The following CFAP90 variants were observed in gnomAD, a reference collection of about 807,000 sequenced individuals.
CFAP90 encodes cilia- and flagella-associated protein 90.
At chr5:7,836,968 C>T in the CFAP90 span, among the ~76,000 whole-genome samples, 4 of 152,252 alleles carry the variant, frequency 2.6e-5, no homozygotes, top group South Asian at 8.3e-4. Flanking sequence ...GTATTGGTTC[C>T]TGAACTCTAA....
chr5:7,831,966 T>C, the CFAP90 span: 1 of 1,614,124 alleles, frequency 6.2e-7, no homozygotes, highest in Non-Finnish European at 8.5e-7. Flanking sequence ...AGGGGCTCAA[T>C]GGGCTGATTG....
At chr5:7,833,504 C>T in the CFAP90 span, among the ~76,000 whole-genome samples, 1 of 151,764 alleles carries the variant, frequency 6.6e-6, no homozygotes, top group Non-Finnish European at 1.5e-5. Context: ...GATACATACA[C>T]ACATGCATAT....
chr5:7,840,357 C>G, the CFAP90 span, among the ~76,000 whole-genome samples: 1 of 152,150 alleles, frequency 6.6e-6, no homozygotes, highest in African/African-American at 2.4e-5. Flanking sequence ...AGTTTTCAAC[C>G]TCCACAGCAC....
chr5:7,833,339 T>G, the CFAP90 span, among the ~76,000 whole-genome samples: 2 of 151,312 alleles, frequency 1.3e-5, no homozygotes, highest in South Asian at 2.1e-4. Flanking sequence ...TATACACACA[T>G]GTGCATGATA....
the CFAP90 span, among the ~76,000 whole-genome samples, chr5:7,842,673 C>A: frequency 6.6e-6 from 1 of 152,092 alleles, no homozygotes; most frequent in African/African-American, 2.4e-5. Context: ...CACCAAGAGC[C>A]TCCCTGGAGA....
At chr5:7,840,420 G>A in the CFAP90 span, among the ~76,000 whole-genome samples, 1 of 152,066 alleles carries the variant, frequency 6.6e-6, no homozygotes, top group South Asian at 2.1e-4. Context: ...ACAGAAATGG[G>A]GAGTCCCTAC....
the CFAP90 span, chr5:7,850,800 CCGCCCA>C: frequency 3.4e-6 from 1 of 295,228 alleles, no homozygotes. Flanking sequence ...AGCCGCCCAG[CCGCCCA>C]GCCGCCCAGC....
the CFAP90 span, chr5:7,850,771 C>A: frequency 8.6e-7 from 1 of 1,166,468 alleles, no homozygotes. Flanking sequence ...CGCCCCTCCG[C>A]GGCCGCCCGC....
At chr5:7,842,090 A>G in the CFAP90 span, among the ~76,000 whole-genome samples, 1 of 152,096 alleles carries the variant, frequency 6.6e-6, no homozygotes, top group South Asian at 2.1e-4. Context: ...GGTACATTTT[A>G]TGGTAGCCCA....
At chr5:7,850,079 C>G in the CFAP90 span, among the ~76,000 whole-genome samples, 2 of 152,148 alleles carry the variant, frequency 1.3e-5, no homozygotes, top group African/African-American at 4.8e-5. Flanking sequence ...CGGGTCCTAT[C>G]TGAGCATTCC....
chr5:7,839,048 T>A, the CFAP90 span, among the ~76,000 whole-genome samples: 1 of 152,176 alleles, frequency 6.6e-6, no homozygotes, highest in African/African-American at 2.4e-5. Flanking sequence ...GGCCTCACAA[T>A]CATGGCAGAA....
chr5:7,842,397 A>G, the CFAP90 span, among the ~76,000 whole-genome samples: 7 of 151,674 alleles, frequency 4.6e-5, no homozygotes, highest in Non-Finnish European at 7.4e-5. Flanking sequence ...CATCAAACAT[A>G]CTACCTCTTC....
the CFAP90 span, among the ~76,000 whole-genome samples, chr5:7,849,321 A>T: frequency 2.0e-5 from 3 of 152,108 alleles, no homozygotes; most frequent in African/African-American, 4.8e-5. Flanking sequence ...AGGGTCTAGG[A>T]TGGTGGGGGC....
At chr5:7,837,961 G>A in the CFAP90 span, among the ~76,000 whole-genome samples, 11 of 152,132 alleles carry the variant, frequency 7.2e-5, no homozygotes, top group African/African-American at 2.7e-4. Context: ...CCAGACACAA[G>A]CATCTCTTAT....
chr5:7,848,867 C>T, the CFAP90 span, among the ~76,000 whole-genome samples: 1 of 152,122 alleles, frequency 6.6e-6, no homozygotes, highest in South Asian at 2.1e-4. Context: ...TCTCCTTCTG[C>T]CATGATTATA....
At chr5:7,844,522 C>A in the CFAP90 span, among the ~76,000 whole-genome samples, 1 of 152,064 alleles carries the variant, frequency 6.6e-6, no homozygotes, top group Admixed American at 6.6e-5. Flanking sequence ...ATTGTCCTCA[C>A]AAAGCTCACA....
At chr5:7,832,210 C>A in the CFAP90 span, among the ~76,000 whole-genome samples, 1 of 152,318 alleles carries the variant, frequency 6.6e-6, no homozygotes, top group African/African-American at 2.4e-5. Context: ...TGGCAGGGAA[C>A]CGTTGAATTT....
At chr5:7,836,153 G>A in the CFAP90 span, among the ~76,000 whole-genome samples, 1 of 152,318 alleles carries the variant, frequency 6.6e-6, no homozygotes, top group Admixed American at 6.5e-5. Flanking sequence ...ACATGGGGGT[G>A]AGGCTTCAAC....
the CFAP90 span, among the ~76,000 whole-genome samples, chr5:7,836,889 G>A: frequency 2.0e-5 from 3 of 152,190 alleles, no homozygotes; most frequent in South Asian, 6.2e-4. Flanking sequence ...AGGGGTGGGG[G>A]TAGGGGGTGG....
Sources: allele counts gnomAD v4.1 joint callset (sites outside exome capture counted in the v4.1 genomes callset), GRCh38; gene constraint gnomAD v4.1.1; transcripts MANE v1.5; gene names NCBI Gene and HGNC (gene_info 2026-07-23, HGNC 2026-07-21).